NBPF8: variants seen among roughly 807,000 people sequenced by gnomAD.
The protein encoded by NBPF8 is NBPF family member NBPF8.
At chr1:120,431,672 T>C (rs1355565560), upstream of NBPF8, among the ~76,000 whole-genome samples, 1 of 150,752 alleles carries the variant, frequency 6.6e-6, no homozygotes, top group East Asian at 2.0e-4. Flanking sequence ...AGTCTTATAC[T>C]TGTAGGAATG....
Position 120,420,666 on chromosome 1 carries a change from G to C in NBPF8, n.269+548G>C, listed in dbSNP as rs1387761972. Among the ~76,000 whole-genome samples, 164 of 145,678 alleles carry C rather than the reference G, an allele frequency of 1.1e-3. 1 individual carries two copies. The highest frequency in any genetic ancestry group is 4.5e-4 in the Non-Finnish European group (30 of 66,770). On this transcript the variant is annotated intron_variant and non_coding_transcript_variant, in intron 1 of 28. Transcript: ENST00000652355. Reference sequence around the variant, plus strand: ...GGTTAAAAGAGAGGCCACTTTTGAAGGCCGTTCCCATCTCCCATTCCAGAA... The same window carrying C: ...GGTTAAAAGAGAGGCCACTTTTGAACGCCGTTCCCATCTCCCATTCCAGAA...
At chr1:120,432,898 G>A (rs1286224614), upstream of NBPF8, 3 of 151,324 alleles carry the variant, frequency 2.0e-5, no homozygotes, top group Non-Finnish European at 2.9e-5. Flanking sequence ...CCGAAATTAT[G>A]CCTTTATAAA....
chr1:120,425,570 A>G (rs1422587197), intron 1 of NBPF8, among the ~76,000 whole-genome samples: 1 of 152,138 alleles, frequency 6.6e-6, no homozygotes, highest in Non-Finnish European at 1.5e-5. Context: ...CTCAGAGGCC[A>G]GTGCCAGCAT....
chr1:120,419,421 T>TAAGA (rs1168602620), upstream of NBPF8, among the ~76,000 whole-genome samples: 3 of 152,104 alleles, frequency 2.0e-5, no homozygotes, highest in Non-Finnish European at 4.4e-5. Flanking sequence ...TCTTGTTCAC[T>TAAGA]AAGATCTGCC....
At chr1:120,428,032 A>G (rs1465989417) in intron 3 of NBPF8, among the ~76,000 whole-genome samples, 185 bp downstream of exon 3, 3 of 152,346 alleles carry the variant, frequency 2.0e-5, no homozygotes, top group East Asian at 1.9e-4. Context: ...TAATAATTTT[A>G]TGGGCATTCT....
At chr1:120,429,489 G>A (rs1248419531) in intron 3 of NBPF8, among the ~76,000 whole-genome samples, 7 of 152,206 alleles carry the variant, frequency 4.6e-5, no homozygotes, top group Non-Finnish European at 8.8e-5. Flanking sequence ...GAACAACAGG[G>A]TTCTGGAAGA....
At chr1:120,419,542 C>T (rs1360487209), upstream of NBPF8, among the ~76,000 whole-genome samples, 1 of 152,162 alleles carries the variant, frequency 6.6e-6, no homozygotes, top group African/African-American at 2.4e-5. Context: ...GCTCACTAAC[C>T]TCTAATTCGA....
exon 23 of NBPF8, chr1:120,464,518 A>G (rs1369423387): frequency 9.9e-7 from 1 of 1,012,400 alleles, no homozygotes; most frequent in Non-Finnish European, 1.6e-6. Flanking sequence ...ATTGGAGGAA[A>G]AACATGTTGG....
intron 13 of NBPF8, among the ~76,000 whole-genome samples, chr1:120,452,586 T>TA (rs1435808777): frequency 3.9e-5 from 6 of 152,174 alleles, no homozygotes; most frequent in African/African-American, 1.4e-4. Flanking sequence ...TGTCTAGTTT[T>TA]AAAGGACAGG....
chr1:120,462,269 A>T (rs1661612777), intron 20 of NBPF8, 72 bp downstream of exon 18: 5 of 697,864 alleles, frequency 7.2e-6, no homozygotes, highest in African/African-American at 2.0e-5. Flanking sequence ...GGAAAGCAAG[A>T]GTGTGTTCAA....
chr1:120,462,840 G>T, exon 21 of NBPF8: 2 of 351,136 alleles, frequency 5.7e-6, no homozygotes, highest in East Asian at 1.0e-4. Context: ...AGTCTTGCAG[G>T]ACTCACTGGA....
At chr1:120,452,765 G>T (rs1213660179) in intron 13 of NBPF8, among the ~76,000 whole-genome samples, 1 of 152,210 alleles carries the variant, frequency 6.6e-6, no homozygotes, top group Admixed American at 6.5e-5. Context: ...TCTCTTGCAA[G>T]GGTCGAAGCA....
chr1:120,419,373 C>T (rs1415100917), upstream of NBPF8, among the ~76,000 whole-genome samples: 3 of 152,274 alleles, frequency 2.0e-5, no homozygotes, highest in South Asian at 4.1e-4. Flanking sequence ...ATTAACTACA[C>T]CCACACACTC....
At chr1:120,415,813 A>G (rs1181011877), upstream of NBPF8, among the ~76,000 whole-genome samples, 4 of 152,008 alleles carry the variant, frequency 2.6e-5, no homozygotes, top group African/African-American at 9.7e-5. Flanking sequence ...AATTCACCGC[A>G]GGATTTCCGG....
chr1:120,453,530 G>C, intron 14 of NBPF8, 86 bp downstream of exon 12: 2 of 1,189,396 alleles, frequency 1.7e-6, no homozygotes, highest in Non-Finnish European at 2.4e-6. Flanking sequence ...ATCTATGATG[G>C]GTCAAAAACC....
At chr1:120,454,263 G>A in intron 15 of NBPF8, 149 bp downstream of exon 13, 28 of 1,531,018 alleles carry the variant, frequency 1.8e-5, no homozygotes, top group South Asian at 4.7e-5. Flanking sequence ...GTCCTTCACA[G>A]CTAATGTCAT....
intron 20 of NBPF8, 77 bp downstream of exon 18, chr1:120,462,274 G>A (rs1482937819): frequency 8.7e-6 from 6 of 692,648 alleles, no homozygotes; most frequent in Admixed American, 2.0e-5. Flanking sequence ...GCAAGAGTGT[G>A]TTCAATTTCA....
At chr1:120,436,148 TC>T (rs1446229804), upstream of NBPF8, among the ~76,000 whole-genome samples, 1 of 149,708 alleles carries the variant, frequency 6.7e-6, no homozygotes, top group Non-Finnish European at 1.5e-5. Context: ...TGCCTGTGTT[TC>T]AGCAAAGCCT....
At chr1:120,464,148 TG>T (rs1661670918) in intron 22 of NBPF8, among the ~76,000 whole-genome samples, 1 of 100,134 alleles carries the variant, frequency 1.0e-5, no homozygotes, top group African/African-American at 5.6e-5. Context: ...TGTGTGTGTG[TG>T]TGTGTGTGTG....
Sources: allele counts gnomAD v4.1 joint callset (sites outside exome capture counted in the v4.1 genomes callset), GRCh38; gene constraint gnomAD v4.1.1; transcripts MANE v1.5; gene names NCBI Gene and HGNC (gene_info 2026-07-23, HGNC 2026-07-21).